ZC3H7A: variants seen among roughly 807,000 people sequenced by gnomAD.
ZC3H7A encodes the protein zinc finger CCCH domain-containing protein 7A.
A neutral mutation model predicts 125.5 loss-of-function variants in ZC3H7A; 44 were observed. That is an observed-to-expected ratio of 0.35 (90% CI 0.28 to 0.45). ZC3H7A has a LOEUF of 0.45. Ranked by LOEUF, ZC3H7A falls within the 20% of genes least tolerant of loss-of-function variation. The pLI is 1.00. For synonymous variants in ZC3H7A, 399 were observed against 391.2 expected, an observed-to-expected ratio of 1.02 and a Z score of -0.23; for missense variants, 977 against 1,170.7, an observed-to-expected ratio of 0.83 and a Z score of 2.41.
In ZC3H7A at chr16:11,765,699, G is replaced by A. The variant is rs1596384480; in HGVS notation, c.1523-14C>T. ...CAGCAGCAACATCTAGAAAGACAGG[G>A]AATGGACAGACATTGAAAACATGGC... On this transcript the variant is annotated splice_polypyrimidine_tract_variant and intron_variant, in intron 13 of 22. Coordinates refer to ENST00000355758, the MANE Select transcript of ZC3H7A (RefSeq NM_014153.4). This position sits in a 1 kb window ranked among gnomAD's most constrained non-coding sequence, Gnocchi z 4.8. 1 of 1,603,972 alleles carries A rather than the reference G, an allele frequency of 6.2e-7. No individual in the cohort carries two copies. The highest frequency in any genetic ancestry group is 2.3e-5 in the East Asian group (1 of 44,380).
chr16:11,771,052 T>C (rs1053668669), intron 9 of ZC3H7A, 65 bp from the exon 10 acceptor site: 4 of 1,431,678 alleles, frequency 2.8e-6, no homozygotes, highest in Admixed American at 2.2e-5. Flanking sequence ...TGAACTACTT[T>C]CAACACCAGC....
intron 1 of ZC3H7A, among the ~76,000 whole-genome samples, chr16:11,795,818 T>C (rs1567400363): frequency 6.6e-6 from 1 of 152,152 alleles, no homozygotes; most frequent in Non-Finnish European, 1.5e-5. Context: ...TTTTGTTTTT[T>C]TATTTGTTTG....
At chr16:11,767,253 G>T (rs1462623402) in intron 13 of ZC3H7A, among the ~76,000 whole-genome samples, 164 bp downstream of exon 13, 1 of 152,154 alleles carries the variant, frequency 6.6e-6, no homozygotes, top group Non-Finnish European at 1.5e-5. Flanking sequence ...CTATGTCATG[G>T]ATAGGCTAGG....
rs1399022983 is a variant in ZC3H7A at position 11,767,543 on chromosome 16, T to C, written c.1396A>G (p.Ile466Val). 1.2e-6 allele frequency: 2 copies of C among 1,606,450 alleles called. No individual in the cohort carries two copies. The highest frequency in any genetic ancestry group is 1.1e-5 in the South Asian group (1 of 89,374). Reference sequence around the variant, plus strand: ...ATATCTTTCTTACACTTATGATCTATGTTAGCATGGTAAGTGAAATCCATT... The same window carrying C: ...ATATCTTTCTTACACTTATGATCTACGTTAGCATGGTAAGTGAAATCCATT... ...KLMDFTYHAN[I>V]DHKCKKDILI... Residue 466 changes from isoleucine to valine, a missense_variant, in exon 13 of 23, where the codon ATA becomes GTA. Coordinates refer to ENST00000355758, the MANE Select transcript of ZC3H7A (RefSeq NM_014153.4).
At chr16:11,785,894 C>T (rs527864447) in intron 1 of ZC3H7A, among the ~76,000 whole-genome samples, 2 of 152,180 alleles carry the variant, frequency 1.3e-5, no homozygotes, top group African/African-American at 2.4e-5. Context: ...GCTGGGATTA[C>T]AGGCGTGAGC....
chr16:11,762,575 G>T, intron 17 of ZC3H7A, 96 bp downstream of exon 17: 1 of 1,111,416 alleles, frequency 9.0e-7, no homozygotes, highest in Non-Finnish European at 1.3e-6. Context: ...GAAAGTAACT[G>T]GACTGTAAGT....
rs747759155 is a variant in ZC3H7A, at chr16:11,770,893, G to A, written c.998C>T (p.Ala333Val). 6.2e-6 allele frequency: 10 copies of A among 1,614,004 alleles called. No homozygotes were observed. Among genetic ancestry groups the A allele is most frequent in the Admixed American group, 5.0e-5 (3 of 60,006 alleles). Residue 333 changes from alanine (A) to valine (V), a missense_variant, in exon 10 of 23, where the codon GCG becomes GTG. By Grantham distance (64) the Ala-to-Val change is moderately conservative (BLOSUM62 0). This residue lies in a region of ZC3H7A where 342 missense variants were observed against 311.3 expected (regional missense o/e 1.10). Transcript: ENST00000355758. ...GAAGGAGGGTGGAGGAGCATACCTC[G>A]CACCAATGGGTAAGGTTCCTAACAG... ...ASLLGTLPIG[A>V]RYAPPPSFSE...
chr16:11,779,066 C>G, intron 4 of ZC3H7A, 100 bp downstream of exon 4: 3 of 1,073,034 alleles, frequency 2.8e-6, no homozygotes, highest in Middle Eastern at 3.1e-4. Context: ...GGTAATATGA[C>G]TTTCTTAAAA....
chr16:11,787,861 GT>G (rs2053282878), intron 1 of ZC3H7A, among the ~76,000 whole-genome samples: 1 of 151,666 alleles, frequency 6.6e-6, no homozygotes, highest in Non-Finnish European at 1.5e-5. Flanking sequence ...CAGGAGAATC[GT>G]TTGAACCCAG....
At chr16:11,784,280 C>A (rs1056650506) in intron 1 of ZC3H7A, among the ~76,000 whole-genome samples, 1 of 151,996 alleles carries the variant, frequency 6.6e-6, no homozygotes, top group Non-Finnish European at 1.5e-5. Context: ...ACCCTTCTAG[C>A]TACTTGGACA....
intron 1 of ZC3H7A, chr16:11,796,489 A>AGGCCCCGGCCGGGCCTCAGGC (rs1439250587): frequency 2.6e-5 from 4 of 152,628 alleles, no homozygotes; most frequent in African/African-American, 4.8e-5. Context: ...TCGACCTCGG[A>AGGCCCCGGCCGGGCCTCAGGC]GGCCCCGGCC....
Position 11,789,704 on chromosome 16 carries a change from G to A in ZC3H7A, c.-34-7316C>T, listed in dbSNP as rs113734982. On this transcript the variant is annotated intron_variant, in intron 1 of 22. Coordinates refer to ENST00000355758, the MANE Select transcript of ZC3H7A (RefSeq NM_014153.4). ...ATAATTTTACCAGGCCTCTGGTGAT[G>A]GACCTTCTGGTTGTTTCCAATCTTT... is the stretch of plus-strand genomic sequence containing the variant. 2.5e-3 allele frequency among the ~76,000 whole-genome samples: 382 copies of A among 152,264 alleles called. 1 individual carries two copies. Among genetic ancestry groups the A allele is most frequent in the African/African-American group, 8.7e-3 (363 of 41,546 alleles).
intron 21 of ZC3H7A, among the ~76,000 whole-genome samples, chr16:11,754,310 G>GAAA (rs1246819697): frequency 2.7e-5 from 2 of 74,880 alleles, no homozygotes; most frequent in Non-Finnish European, 4.6e-5. Context: ...AAAAAAAAAG[G>GAAA]AAGAAAAAAA....
In ZC3H7A at chr16:11,773,379, GGTTA is replaced by G. The variant is rs1340740395; in HGVS notation, c.903+853_903+856del. Among the ~76,000 whole-genome samples, 8 of 151,806 alleles carry G rather than the reference GGTTA, an allele frequency of 5.3e-5. 1 individual carries two copies. The highest frequency in any genetic ancestry group is 1.9e-4 in the African/African-American group (8 of 41,114). The stretch of plus-strand genomic sequence containing the variant: ...TTTTGTAGAGATGTGCCCTTGCTAT[GGTTA>G]CCCAGGCTAGTTTCATATAATCTCC... On this transcript the variant is annotated intron_variant, in intron 9 of 22. Transcript: ENST00000355758.
chr16:11,770,210 G>GT, intron 10 of ZC3H7A, among the ~76,000 whole-genome samples: 1 of 152,032 alleles, frequency 6.6e-6, no homozygotes, highest in South Asian at 2.1e-4. Flanking sequence ...TTTTAGCCAC[G>GT]TAACAATGCC....
Position 11,770,767 on chromosome 16 carries a change from T to C in ZC3H7A, c.1108+16A>G. 1 of 1,594,282 alleles carries C rather than the reference T, an allele frequency of 6.3e-7. No homozygotes were observed. The highest frequency in any genetic ancestry group is 8.6e-7 in the Non-Finnish European group (1 of 1,167,658). On this transcript the variant is annotated intron_variant, in intron 10 of 22. Transcript: ENST00000355758. ...AAATCAACTGCAATTGTTTACAATT[T>C]AGATTTGGTTCTTACCTCGTTTGGA...
At chr16:11,761,547 C>A (rs1428102878) in intron 18 of ZC3H7A, 36 bp from the exon 19 acceptor site, 1 of 1,607,846 alleles carries the variant, frequency 6.2e-7, no homozygotes, top group Non-Finnish European at 8.5e-7. Context: ...AACAAAGACA[C>A]ACGAGCAAAA....
chr16:11,773,945 A>G (rs2053033563), intron 9 of ZC3H7A, among the ~76,000 whole-genome samples: 1 of 152,152 alleles, frequency 6.6e-6, no homozygotes, highest in Admixed American at 6.5e-5. Flanking sequence ...ATTTTTTCTT[A>G]AATATCAAAC....
Position 11,762,763 on chromosome 16 carries a change from G to T in ZC3H7A, c.2003-16C>A. 6.2e-7 allele frequency: 1 copy of T among 1,612,398 alleles called. No individual in the cohort carries two copies. On this transcript the variant is annotated splice_polypyrimidine_tract_variant and intron_variant, in intron 16 of 22. Transcript: ENST00000355758. ...TGTGAGATACCTGGGGAATGTACAAGCCTTCCTTTAAATTATATCTATAAG... is the reference window on the plus strand; with the variant it reads ...TGTGAGATACCTGGGGAATGTACAATCCTTCCTTTAAATTATATCTATAAG...
Sources: gnomAD v4.1 joint callset for allele counts (sites outside exome capture counted in the v4.1 genomes callset) on GRCh38, gnomAD v4.1.1 for gene constraint, gnomAD v4.1.1 regional missense constraint, Gnocchi (gnomAD v3.1) non-coding constraint, MANE v1.5 for transcripts, NCBI Gene and HGNC (gene_info 2026-07-23, HGNC 2026-07-21) for gene names.